Variants in WWP1 observed in about 807,000 individuals in gnomAD.
The protein encoded by WWP1 is NEDD4-like E3 ubiquitin-protein ligase WWP1.
A neutral mutation model predicts 130.6 loss-of-function variants in WWP1; 49 were observed. The ratio of observed to expected loss-of-function variants is 0.38; its 90% CI spans 0.30 to 0.48. The LOEUF is 0.48. Ranked by LOEUF, WWP1 falls within the 20% of genes least tolerant of loss-of-function variation. The pLI, the probability that WWP1 is intolerant of heterozygous loss-of-function variation, is 0.99. For missense variants in WWP1, 809 were observed against 1,100.6 expected, an observed-to-expected ratio of 0.74 and a Z score of 3.75; for synonymous variants, 332 against 367.8, an observed-to-expected ratio of 0.90 and a Z score of 1.11.
chr8:86,457,893 G>T (rs1811546390), intron 21 of WWP1, 28 bp from the exon 22 acceptor site: 1 of 1,593,884 alleles, frequency 6.3e-7, no homozygotes, highest in African/African-American at 1.3e-5. Flanking sequence ...AATCTTTATT[G>T]TGGCCTGATT....
At chr8:86,414,797 A>C (rs1808791228) in intron 9 of WWP1, among the ~76,000 whole-genome samples, 1 of 152,124 alleles carries the variant, frequency 6.6e-6, no homozygotes, top group Non-Finnish European at 1.5e-5. Context: ...TGTGTATCAA[A>C]ATCTAAAGTA....
At chr8:86,435,950 C>A (rs994723225) in intron 16 of WWP1, among the ~76,000 whole-genome samples, 1 of 152,150 alleles carries the variant, frequency 6.6e-6, no homozygotes, top group African/African-American at 2.4e-5. Context: ...CTACCCACCT[C>A]GGCCTCGTAA....
intron 3 of WWP1, among the ~76,000 whole-genome samples, chr8:86,375,298 T>G (rs1345367291): frequency 1.3e-5 from 2 of 152,142 alleles, no homozygotes; most frequent in African/African-American, 4.8e-5. Context: ...GTTCATCGTT[T>G]TCAGTTTTTT....
intron 5 of WWP1, among the ~76,000 whole-genome samples, chr8:86,390,796 A>G (rs1335229272): frequency 6.6e-6 from 1 of 152,126 alleles, no homozygotes; most frequent in Non-Finnish European, 1.5e-5. Context: ...CCATTCTACC[A>G]TAGTAGGAAC....
chr8:86,394,838 G>A (rs944796726), intron 5 of WWP1, among the ~76,000 whole-genome samples: 8 of 146,236 alleles, frequency 5.5e-5, no homozygotes, highest in African/African-American at 1.8e-4. Context: ...AATATATACT[G>A]TAAACACCCT....
intron 22 of WWP1, 53 bp downstream of exon 22, chr8:86,458,078 A>AATTATGTGAAAAGCT: frequency 6.9e-7 from 1 of 1,442,826 alleles, no homozygotes; most frequent in Non-Finnish European, 9.6e-7. Context: ...TTTCTAATGA[A>AATTATGTGAAAAGCT]ATGGTGGTTT....
intron 1 of WWP1, among the ~76,000 whole-genome samples, chr8:86,359,762 A>C (rs1473609095): frequency 6.6e-6 from 1 of 152,068 alleles, no homozygotes; most frequent in Non-Finnish European, 1.5e-5. Flanking sequence ...CATTAAAAAC[A>C]GTCCTCGGCG....
At chr8:86,390,216 C>T (rs1447257221) in intron 5 of WWP1, among the ~76,000 whole-genome samples, 1 of 150,770 alleles carries the variant, frequency 6.6e-6, no homozygotes, top group Admixed American at 6.6e-5. Flanking sequence ...CCAGACTGGG[C>T]GGCCGGGCAG....
At chr8:86,421,860 A>G (rs1303885270) in intron 9 of WWP1, among the ~76,000 whole-genome samples, 26 of 152,096 alleles carry the variant, frequency 1.7e-4, no homozygotes, top group Admixed American at 1.7e-3. Flanking sequence ...TAAATTTACC[A>G]TATTAACAAA....
At chr8:86,451,723 T>A (rs890063584) in intron 20 of WWP1, among the ~76,000 whole-genome samples, 1 of 152,152 alleles carries the variant, frequency 6.6e-6, no homozygotes, top group Non-Finnish European at 1.5e-5. Context: ...CAGCTTGGCT[T>A]TCTCTTCATC....
Position 86,448,276 on chromosome 8 carries a change from G to A in WWP1, c.2127G>A (p.Trp709Ter). Residue 709 changes from tryptophan (W) to a stop codon, truncating the protein, a stop_gained, in exon 19 of 25, where the codon TGG (tryptophan) becomes TGA (stop). Transcript: ENST00000517970. LOFTEE classifies it high-confidence loss of function. ...IDTEFYNSLIWIRDNNIEECG... is the reference protein window; with the variant it reads ...IDTEFYNSLI ...CTGAATTTTATAACTCCCTTATCTG[G>A]ATAAGGTTTGAAGATTTTGTTTTGC... 1.3e-6 allele frequency: 2 copies of A among 1,583,226 alleles called. No individual in the cohort carries two copies. The highest frequency in any genetic ancestry group is 1.7e-6 in the Non-Finnish European group (2 of 1,171,494).
intron 22 of WWP1, among the ~76,000 whole-genome samples, chr8:86,459,699 A>T (rs189809268): frequency 2.8e-3 from 426 of 152,364 alleles, no homozygotes; most frequent in African/African-American, 9.7e-3. Flanking sequence ...TATATACAGT[A>T]TGCATACCGT....
At chr8:86,367,087 C>T (rs1383131969) in intron 1 of WWP1, among the ~76,000 whole-genome samples, 3 of 152,166 alleles carry the variant, frequency 2.0e-5, no homozygotes, top group African/African-American at 7.2e-5. Flanking sequence ...GCTTTCTAAC[C>T]TTTTAGGTTC....
intron 5 of WWP1, 70 bp from the exon 6 acceptor site, chr8:86,398,272 T>C: frequency 6.7e-7 from 1 of 1,484,586 alleles, no homozygotes; most frequent in South Asian, 1.4e-5. Flanking sequence ...ATTCTTGAAA[T>C]GTAGGTTTGA....
intron 20 of WWP1, among the ~76,000 whole-genome samples, chr8:86,450,275 C>T (rs1811105055): frequency 6.6e-6 from 1 of 152,166 alleles, no homozygotes; most frequent in Non-Finnish European, 1.5e-5. Flanking sequence ...TTACCAATAA[C>T]TGATTTTCTT....
intron 3 of WWP1, among the ~76,000 whole-genome samples, chr8:86,375,643 A>G (rs1824600370): frequency 6.6e-6 from 1 of 152,092 alleles, no homozygotes; most frequent in East Asian, 1.9e-4. Flanking sequence ...TATCCTGTTG[A>G]ATAGATGTAA....
At chr8:86,457,153 C>T (rs183155866) in intron 21 of WWP1, among the ~76,000 whole-genome samples, 25 of 151,460 alleles carry the variant, frequency 1.7e-4, no homozygotes, top group East Asian at 7.7e-4. Flanking sequence ...AGTTGACTTA[C>T]GAAAAAAACT....
In WWP1 at chr8:86,357,956, G is replaced by T. The variant is rs190571822; in HGVS notation, c.-114-10983G>T. 5.9e-5 allele frequency among the ~76,000 whole-genome samples: 9 copies of T among 152,230 alleles called. No individual in the cohort carries two copies. In the East Asian group the frequency reaches 1.7e-3, roughly 29 times the overall value. ...TACCACCATTTGTCACAATGTTTCTGTGGGAAAATTTGTGTTGTATTCCAA... is the reference window on the plus strand; with the variant it reads ...TACCACCATTTGTCACAATGTTTCTTTGGGAAAATTTGTGTTGTATTCCAA... On this transcript the variant is annotated intron_variant, in intron 1 of 24. Transcript: ENST00000517970.
intron 9 of WWP1, among the ~76,000 whole-genome samples, chr8:86,416,852 C>T (rs1808918032): frequency 6.6e-6 from 1 of 152,146 alleles, no homozygotes; most frequent in Admixed American, 6.5e-5. Context: ...ATAGGTACAG[C>T]TCTAGCAGGC....
Sources: gnomAD v4.1 joint callset for allele counts (sites outside exome capture counted in the v4.1 genomes callset) on GRCh38, gnomAD v4.1.1 for gene constraint, MANE v1.5 for transcripts, NCBI Gene and HGNC (gene_info 2026-07-23, HGNC 2026-07-21) for gene names.